Variants in CYP19A1 observed in about 807,000 individuals in gnomAD.
The protein encoded by CYP19A1 is cytochrome P450 family 19 subfamily A member 1.
Under a neutral mutation model 44.4 loss-of-function variants are expected in CYP19A1, and 32 were observed. The ratio of observed to expected loss-of-function variants is 0.72; its 90% CI spans 0.54 to 0.97. The LOEUF is 0.97. CYP19A1 is among the 50% of genes least tolerant of loss of function. The probability of loss-of-function intolerance (pLI) is 0.00; values close to 1 mark genes in which losing one functional copy is unlikely to be tolerated. For synonymous variants in CYP19A1, 212 were observed against 215.6 expected (o/e 0.98, Z 0.14); for missense variants, 598 against 637.8 (o/e 0.94, Z 0.67).
intron 6 of CYP19A1, 99 bp downstream of exon 6, chr15:51,218,442 C>T (rs2031775290): frequency 2.0e-6 from 3 of 1,510,472 alleles, no homozygotes; most frequent in Non-Finnish European, 2.7e-6. Context: ...CTCTAGAGAG[C>T]AGAAAAGTTA....
Position 51,297,817 on chromosome 15 carries a change from G to GACACACACACACACACAC in CYP19A1, c.-39+40660_-39+40677dup, listed in dbSNP as rs1159870053. ...TTCTGGAGAGATTCACTGTAGGCATGACACACACACACACACACACACACA... is the reference window on the plus strand; with the variant it reads ...TTCTGGAGAGATTCACTGTAGGCATGACACACACACACACACACACACACACACACACACACACACACA... On this transcript the variant is annotated intron_variant, in intron 1 of 9. Transcript: ENST00000396402. Among the ~76,000 whole-genome samples, 768 of 111,768 alleles carry GACACACACACACACACAC rather than the reference G, an allele frequency of 6.9e-3. 14 individuals are homozygous for GACACACACACACACACAC. The highest frequency in any genetic ancestry group is 8.0e-3 in the Admixed American group (88 of 11,018). The allele number at this position is 111,768 out of a possible 152,430, so 73.3% of individuals were successfully genotyped here. A position where few individuals can be genotyped will look rare whatever the true frequency, so the allele number is the denominator to read the frequency against.
chr15:51,288,597 C>T (rs1022668556), intron 1 of CYP19A1, among the ~76,000 whole-genome samples: 5 of 152,190 alleles, frequency 3.3e-5, no homozygotes, highest in Non-Finnish European at 7.3e-5. Flanking sequence ...ACTCTCCTCT[C>T]AGCCTCCTCC....
At chr15:51,332,211 T>C (rs756319930) in intron 1 of CYP19A1, among the ~76,000 whole-genome samples, 1 of 152,204 alleles carries the variant, frequency 6.6e-6, no homozygotes, top group Non-Finnish European at 1.5e-5. Context: ...TACCAGGTCC[T>C]TCTCCTTTTT....
chr15:51,280,304 T>C (rs1421832392), intron 1 of CYP19A1, among the ~76,000 whole-genome samples: 1 of 151,836 alleles, frequency 6.6e-6, no homozygotes, highest in African/African-American at 2.4e-5. Context: ...TTCACAGTCT[T>C]AGCCAGGATG....
chr15:51,334,100 T>C (rs2036742070), intron 1 of CYP19A1, among the ~76,000 whole-genome samples: 1 of 152,230 alleles, frequency 6.6e-6, no homozygotes. Context: ...TGCTCCAGGT[T>C]TGTTTTTAAG....
chr15:51,313,488 C>T (rs1434092475), intron 1 of CYP19A1, among the ~76,000 whole-genome samples: 1 of 152,092 alleles, frequency 6.6e-6, no homozygotes, highest in Non-Finnish European at 1.5e-5. Flanking sequence ...GTTTGGACCT[C>T]GGTTTTCCCA....
intron 1 of CYP19A1, among the ~76,000 whole-genome samples, chr15:51,267,716 G>T (rs1318506157): frequency 1.3e-5 from 2 of 152,234 alleles, no homozygotes; most frequent in Non-Finnish European, 2.9e-5. Context: ...AAGGAAAAAT[G>T]ATTAAGAATT....
intron 1 of CYP19A1, chr15:51,277,959 T>TTG (rs1430918423): frequency 1.3e-5 from 2 of 148,296 alleles, no homozygotes; most frequent in Admixed American, 6.6e-5. Context: ...CATGAGTTTT[T>TTG]TTTTTTTTTT....
At chr15:51,291,222 G>A (rs922613647) in intron 1 of CYP19A1, among the ~76,000 whole-genome samples, 4 of 152,140 alleles carry the variant, frequency 2.6e-5, no homozygotes, top group Admixed American at 1.3e-4. Context: ...CAGTAGTGGC[G>A]GGCAGAGAGG....
In CYP19A1 at chr15:51,288,955, C is replaced by A. The variant is rs554487453; in HGVS notation, c.-38-46005G>T. On this transcript the variant is annotated intron_variant, in intron 1 of 9. Transcript: ENST00000396402. ...CTGCAATGTGGCAGTGACCTCCCCG[C>A]AACATAACTGCATTCTGACCTCCTT... Among the ~76,000 whole-genome samples, 7 of 152,350 alleles carry A rather than the reference C, an allele frequency of 4.6e-5. No homozygotes were observed. The East Asian group carries it at 1.4e-3, about 29-fold the overall frequency.
rs555031955 is a variant in CYP19A1 at position 51,232,801 on chromosome 15, T to C, written c.296+4058A>G. The stretch of plus-strand genomic sequence containing the variant: ...AACTGGTCTGTCTGTCCCCATCCCT[T>C]GTCCTCTTGCACCTATTCTCAACAG... On this transcript the variant is annotated intron_variant, in intron 3 of 9. Transcript: ENST00000396402. Among the ~76,000 whole-genome samples, 7 of 152,314 alleles carry C rather than the reference T, an allele frequency of 4.6e-5. 1 individual carries two copies. Among genetic ancestry groups the C allele is most frequent in the Admixed American group, 3.9e-4 (6 of 15,300 alleles).
intron 1 of CYP19A1, among the ~76,000 whole-genome samples, chr15:51,257,427 G>A (rs764714206): frequency 6.6e-6 from 1 of 152,158 alleles, no homozygotes; most frequent in Non-Finnish European, 1.5e-5. Context: ...GTAGTGATTC[G>A]GTAAGGACAA....
chr15:51,257,759 G>GT (rs10708624), intron 1 of CYP19A1, among the ~76,000 whole-genome samples: 4 of 151,078 alleles, frequency 2.6e-5, no homozygotes, highest in African/African-American at 4.9e-5. Flanking sequence ...TGAAGGTCAA[G>GT]TTTTTTTTTT....
In CYP19A1 at chr15:51,212,493, T is replaced by C; in HGVS notation, c.1090A>G (p.Met364Val). The change falls in exon 9 of 10, where the codon ATG (methionine) becomes GTG (valine). Residue 364 changes from methionine to valine, a missense_variant. Transcript: ENST00000396402. ...KVMENFIYES[M>V]RYQPVVDLVM... ...AAGTCCACGACAGGCTGGTACCGCATGCTCTCATAAATGAAGTTTTCCATC... is the reference window on the plus strand; with the variant it reads ...AAGTCCACGACAGGCTGGTACCGCACGCTCTCATAAATGAAGTTTTCCATC... The C allele has an allele frequency of 5.6e-6, 9 of 1,593,218 alleles. No homozygotes were observed. The highest frequency in any genetic ancestry group is 6.9e-6 in the Non-Finnish European group (8 of 1,160,892).
intron 3 of CYP19A1, among the ~76,000 whole-genome samples, chr15:51,229,953 A>G (rs1038947430): frequency 1.3e-5 from 2 of 152,232 alleles, no homozygotes; most frequent in African/African-American, 4.8e-5. Flanking sequence ...AAACCCAACG[A>G]AATATTTGCT....
intron 1 of CYP19A1, among the ~76,000 whole-genome samples, chr15:51,306,084 G>A (rs2036210599): frequency 6.6e-6 from 1 of 152,158 alleles, no homozygotes; most frequent in South Asian, 2.1e-4. Context: ...TAGGAGAGCA[G>A]CACTTGAATC....
chr15:51,272,762 C>T (rs1293248963), intron 1 of CYP19A1, among the ~76,000 whole-genome samples: 1 of 152,242 alleles, frequency 6.6e-6, no homozygotes, highest in Admixed American at 6.5e-5. Context: ...AAAAAACTGG[C>T]CCAGCAGGAG....
intron 1 of CYP19A1, among the ~76,000 whole-genome samples, chr15:51,273,445 C>T (rs771261163): frequency 3.3e-5 from 5 of 152,110 alleles, no homozygotes; most frequent in Non-Finnish European, 5.9e-5. Flanking sequence ...TTTGGAGTGG[C>T]AGTTATCCCT....
intron 5 of CYP19A1, among the ~76,000 whole-genome samples, chr15:51,220,843 G>A (rs1184526059): frequency 6.6e-6 from 1 of 151,994 alleles, no homozygotes; most frequent in Non-Finnish European, 1.5e-5. Flanking sequence ...CTATCTGCCT[G>A]TATTTTTGTA....
Sources: gnomAD v4.1 joint callset for allele counts (sites outside exome capture counted in the v4.1 genomes callset) on GRCh38, gnomAD v4.1.1 for gene constraint, MANE v1.5 for transcripts, NCBI Gene and HGNC (gene_info 2026-07-23, HGNC 2026-07-21) for gene names.